HEATR5A: variants seen among roughly 807,000 people sequenced by gnomAD.
HEATR5A encodes HEAT repeat-containing protein 5A.
A neutral mutation model predicts 218.8 loss-of-function variants in HEATR5A; 178 were observed. The ratio of observed to expected loss-of-function variants is 0.81; its 90% CI spans 0.72 to 0.92. The LOEUF (loss-of-function observed/expected upper bound fraction) is 0.92. HEATR5A is among the 40% of genes least tolerant of loss of function. The probability of loss-of-function intolerance (pLI) is 0.00; values close to 1 mark genes in which losing one functional copy is unlikely to be tolerated. For missense variants in HEATR5A, 2,420 were observed against 2,418.9 expected (o/e 1.00, Z -0.01); for synonymous variants, 864 against 871.6 (o/e 0.99, Z 0.15).
At chr14:31,360,984 G>C (rs1298389134) in intron 14 of HEATR5A, among the ~76,000 whole-genome samples, 1 of 152,044 alleles carries the variant, frequency 6.6e-6, no homozygotes, top group Non-Finnish European at 1.5e-5. Flanking sequence ...ATACGTGTTG[G>C]GAAATGTCCT....
At chr14:31,307,047 G>A (rs1386492604) in intron 30 of HEATR5A, among the ~76,000 whole-genome samples, 168 bp from the exon 31 acceptor site, 6 of 152,098 alleles carry the variant, frequency 3.9e-5, no homozygotes, top group Non-Finnish European at 7.4e-5. Context: ...TCCAGAGGCC[G>A]GGCACAGTGG....
intron 1 of HEATR5A, among the ~76,000 whole-genome samples, chr14:31,406,998 C>T (rs951999247): frequency 1.1e-4 from 3 of 28,230 alleles, no homozygotes; most frequent in African/African-American, 2.0e-4. Context: ...AAAAAAAAAG[C>T]GAGAAGTAGG....
At chr14:31,390,197 G>C (rs1202560782) in intron 6 of HEATR5A, among the ~76,000 whole-genome samples, 1 of 152,134 alleles carries the variant, frequency 6.6e-6, no homozygotes, top group Non-Finnish European at 1.5e-5. Context: ...GGGGTAGGTA[G>C]GAGACAGGTC....
intron 14 of HEATR5A, among the ~76,000 whole-genome samples, chr14:31,360,861 G>C (rs1306853822): frequency 6.6e-6 from 1 of 151,722 alleles, no homozygotes; most frequent in African/African-American, 2.4e-5. Flanking sequence ...TAAGAGATGA[G>C]GTCTCACAAT....
chr14:31,337,689 G>A (rs1595112546), intron 21 of HEATR5A, 75 bp from the exon 22 acceptor site: 4 of 1,303,366 alleles, frequency 3.1e-6, no homozygotes, highest in Non-Finnish European at 4.3e-6. Context: ...GATATTCACT[G>A]GACCCCTTCC....
In HEATR5A at chr14:31,295,944, TATCAATA is replaced by T; in HGVS notation, c.5577_5583del (p.Cys1859Ter). 1 of 1,613,726 alleles carries T rather than the reference TATCAATA, an allele frequency of 6.2e-7. No individual in the cohort carries two copies. The highest frequency in any genetic ancestry group is 1.3e-5 in the African/African-American group (1 of 75,044). On this transcript the variant is annotated frameshift_variant, in exon 34 of 36. Transcript: ENST00000543095. LOFTEE classifies it high-confidence loss of function. ...TTTATCTCAAGAGTAGCTTTAAATTTATCAATACAGCGCTTCTGAAGGCATGGGATGG... is the reference window on the plus strand; with the variant it reads ...TTTATCTCAAGAGTAGCTTTAAATTTCAGCGCTTCTGAAGGCATGGGATGG...
chr14:31,349,461 TCTTATTA>T (rs2139215358), intron 18 of HEATR5A, among the ~76,000 whole-genome samples: 1 of 152,298 alleles, frequency 6.6e-6, no homozygotes, highest in South Asian at 2.1e-4. Flanking sequence ...TGTAGTTTGT[TCTTATTA>T]CTTATCATAT....
chr14:31,332,574 A>G lies in HEATR5A; in HGVS notation c.3367+4902T>C, dbSNP rs1472324601. On this transcript the variant is annotated intron_variant, in intron 22 of 35. Transcript: ENST00000543095. ...AAGTTAAGTGTCTCTTAGGCCAGTT[A>G]TCTAAGTTGTGAATGCAAAAGAAAA... 2.0e-5 allele frequency among the ~76,000 whole-genome samples: 3 copies of G among 152,212 alleles called. No individual in the cohort carries two copies. The East Asian group carries it at 5.8e-4, about 29-fold the overall frequency.
At chr14:31,302,697 A>C in intron 32 of HEATR5A, 178 bp from the exon 33 acceptor site, 1 of 566,180 alleles carries the variant, frequency 1.8e-6, no homozygotes, top group Non-Finnish European at 3.1e-6. Context: ...TTATGGATGG[A>C]TTAAATCTTG....
chr14:31,368,160 G>A (rs1452404435), intron 13 of HEATR5A, among the ~76,000 whole-genome samples: 1 of 152,064 alleles, frequency 6.6e-6, no homozygotes, highest in Non-Finnish European at 1.5e-5. Context: ...GCTTCACGGA[G>A]GGAGTTTGGC....
In HEATR5A at chr14:31,302,389, T is replaced by G. The variant is rs1372485106; in HGVS notation, c.5370A>C (p.Leu1790Phe). 6.2e-7 allele frequency: 1 copy of G among 1,602,732 alleles called. No homozygotes were observed. Among genetic ancestry groups the G allele is most frequent in the Non-Finnish European group, 8.5e-7 (1 of 1,174,414 alleles). Residue 1790 changes from leucine to phenylalanine, a missense_variant, in exon 33 of 36, where the codon TTA (leucine) becomes TTC (phenylalanine). Transcript: ENST00000543095. ...AASLQALKGILSSPMARAEKS... is the reference protein window; with the variant it reads ...AASLQALKGIFSSPMARAEKS... Reference sequence around the variant, plus strand: ...TTTCTGCCCGGGCCATGGGAGAAGATAATATTCCTTTTAGAGCCTGTAGGG... The same window carrying G: ...TTTCTGCCCGGGCCATGGGAGAAGAGAATATTCCTTTTAGAGCCTGTAGGG...
At chr14:31,335,999 T>C (rs1328395132) in intron 22 of HEATR5A, among the ~76,000 whole-genome samples, 3 of 150,268 alleles carry the variant, frequency 2.0e-5, no homozygotes, top group Non-Finnish European at 4.4e-5. Context: ...AGTCAGTGTT[T>C]TGATCTGTAA....
chr14:31,347,834 C>T lies in HEATR5A; in HGVS notation c.2782G>A (p.Gly928Arg), dbSNP rs1049001337. The T allele has an allele frequency of 2.5e-6, 4 of 1,601,912 alleles. No homozygotes were observed. The highest frequency in any genetic ancestry group is 3.4e-6 in the Non-Finnish European group (4 of 1,173,896). Residue 928 changes from glycine (G) to arginine (R), a missense_variant, in exon 19 of 36, where the codon GGA becomes AGA. Gly to Arg is a moderately radical substitution (Grantham distance 125, BLOSUM62 -2). Transcript: ENST00000543095. ...LALGSLHRYL[G>R]GISSSQHLNS... ...AGGTGTTGAGAAGAACTTATTCCTC[C>T]TAAATACCTATGTAGGGACCCCAAG... is the stretch of plus-strand genomic sequence containing the variant.
chr14:31,347,942 C>T (rs1488932009), intron 18 of HEATR5A, 35 bp from the exon 19 acceptor site: 2 of 1,317,640 alleles, frequency 1.5e-6, no homozygotes, highest in Non-Finnish European at 2.0e-6. Flanking sequence ...ACGGTAATCA[C>T]TGCAAAAGAA....
intron 13 of HEATR5A, among the ~76,000 whole-genome samples, chr14:31,365,638 C>T (rs1332404516): frequency 6.6e-6 from 1 of 151,654 alleles, no homozygotes; most frequent in Non-Finnish European, 1.5e-5. Context: ...GGGATACAGG[C>T]ATGAGCCACC....
At chr14:31,347,522 T>C (rs1202049818) in intron 19 of HEATR5A, among the ~76,000 whole-genome samples, 1 of 152,192 alleles carries the variant, frequency 6.6e-6, no homozygotes, top group Non-Finnish European at 1.5e-5. Flanking sequence ...AAAGCTATCA[T>C]TAAGATGGAA....
At chr14:31,332,777 G>C (rs146262439) in intron 22 of HEATR5A, among the ~76,000 whole-genome samples, 58 of 152,192 alleles carry the variant, frequency 3.8e-4, no homozygotes, top group African/African-American at 1.3e-3. Flanking sequence ...CCTAAGGTCA[G>C]GAGTTCAAGA....
In HEATR5A at chr14:31,321,491, G is replaced by C. The variant is rs900919245; in HGVS notation, c.3969+8C>G. On this transcript the variant is annotated splice_region_variant and intron_variant, in intron 25 of 35. Transcript: ENST00000543095. Reference sequence around the variant, plus strand: ...TAATAATAAAATTCTCTAAAAGAAAGTGCTTACATTGGCTTGATACTGTTC... The same window carrying C: ...TAATAATAAAATTCTCTAAAAGAAACTGCTTACATTGGCTTGATACTGTTC... 3 of 1,564,408 alleles carry C rather than the reference G, an allele frequency of 1.9e-6. No homozygotes were observed. The highest frequency in any genetic ancestry group is 3.9e-5 in the Admixed American group (2 of 51,538).
chr14:31,336,227 T>TATATATATATATATAC (rs1900658843), intron 22 of HEATR5A, among the ~76,000 whole-genome samples: 1 of 20,710 alleles, frequency 4.8e-5, no homozygotes, highest in Admixed American at 5.3e-4. Context: ...CATATATATA[T>TATATATATATATATAC]ATATATATAT....
Sources: gnomAD v4.1 joint callset for allele counts (sites outside exome capture counted in the v4.1 genomes callset) on GRCh38, gnomAD v4.1.1 for gene constraint, MANE v1.5 for transcripts, NCBI Gene and HGNC (gene_info 2026-07-23, HGNC 2026-07-21) for gene names.